CWC22: variants seen among roughly 807,000 people sequenced by gnomAD.
CWC22 encodes pre-mRNA-splicing factor CWC22 homolog.
CWC22 carries 53 observed loss-of-function variants against 117.2 expected under a neutral mutation model. That is an observed-to-expected ratio of 0.45 (90% CI 0.36 to 0.57). The LOEUF (loss-of-function observed/expected upper bound fraction) is 0.57. Ranked by LOEUF, CWC22 falls within the 20% of genes least tolerant of loss-of-function variation. CWC22 has a pLI of 0.00. For missense variants in CWC22, 980 were observed against 1,068.8 expected, an observed-to-expected ratio of 0.92 and a Z score of 1.16; for synonymous variants, 360 against 355.6, an observed-to-expected ratio of 1.01 and a Z score of -0.14.
chr2:179,950,413 C>G (rs1686413837), intron 19 of CWC22, 99 bp downstream of exon 19: 1 of 763,542 alleles, frequency 1.3e-6, no homozygotes, highest in African/African-American at 1.8e-5. Context: ...CAACTGATCT[C>G]TAAGACAAAT....
At position 179,964,628 on chromosome 2, in the gene CWC22, C is replaced by T. The variant is rs1476995651; in HGVS notation, c.1316G>A (p.Gly439Glu). ...EEEEGEEDEEGQKVTIHDKTE... is the reference protein window; with the variant it reads ...EEEEGEEDEEEQKVTIHDKTE... ...TTTGTCATGAATAGTTACTTTTTGT[C>T]CTGAAAGAAACATAACAAAATTACA... is the stretch of plus-strand genomic sequence containing the variant. The change falls in exon 13 of 20, where the codon GGA becomes GAA. Residue 439 changes from glycine to glutamate, a missense_variant and splice_region_variant. Transcript: ENST00000410053. 5.3e-6 allele frequency: 8 copies of T among 1,514,336 alleles called. No individual in the cohort carries two copies. In the African/African-American group the frequency reaches 1.1e-4, roughly 21 times the overall value. 93.8% of individuals were successfully genotyped at this position (1,514,336 alleles called of 1,614,324 possible).
chr2:179,989,041 C>T (rs2105550152), intron 2 of CWC22, among the ~76,000 whole-genome samples: 1 of 151,536 alleles, frequency 6.6e-6, no homozygotes, highest in South Asian at 2.1e-4. Flanking sequence ...AACACTGTAC[C>T]CCAATGTGTA....
Position 179,993,389 on chromosome 2 carries a change from C to G in CWC22, c.-48G>C. The G allele has an allele frequency of 7.1e-7, 1 of 1,408,472 alleles. No homozygotes were observed. Among genetic ancestry groups the G allele is most frequent in the Non-Finnish European group, 9.9e-7 (1 of 1,014,986 alleles). The allele number at this position is 1,408,472 out of a possible 1,614,324, so 87.2% of individuals were successfully genotyped here. On this transcript the variant is annotated 5_prime_UTR_variant, in exon 2 of 20. Coordinates refer to ENST00000410053, the MANE Select transcript of CWC22 (RefSeq NM_020943.3). ...TAAATCAAAGATGCTTCAAACTGGT[C>G]CAAATAACAAGTACCCAATGCTCTG... is the stretch of plus-strand genomic sequence containing the variant.
chr2:180,006,290 G>T (rs772774807), intron 1 of CWC22, among the ~76,000 whole-genome samples: 9 of 152,160 alleles, frequency 5.9e-5, no homozygotes, highest in Non-Finnish European at 1.3e-4. Context: ...AATGGAAATA[G>T]GTACCGTGGT....
rs1169899310 is a variant in CWC22 at position 179,952,521 on chromosome 2, T to C, written c.1767A>G (p.Glu589=). The part of the protein sequence containing the change: ...SRIFVKIFFQ[E]LCEYMGLPKL... ...TAGGAAGACCCATGTATTCACACAG[T>C]TCCTGGAAAAATATTTTGACAAAAA... Residue 589 remains glutamate (E), a synonymous_variant, in exon 17 of 20, where the codon GAA becomes GAG. Coordinates refer to ENST00000410053, the MANE Select transcript of CWC22 (RefSeq NM_020943.3). The C allele has an allele frequency of 1.9e-5, 29 of 1,565,436 alleles. No individual in the cohort carries two copies. The highest frequency in any genetic ancestry group is 2.5e-5 in the Non-Finnish European group (29 of 1,153,166).
chr2:179,955,321 G>A (rs1419086693), intron 14 of CWC22, among the ~76,000 whole-genome samples: 2 of 151,834 alleles, frequency 1.3e-5, no homozygotes, highest in African/African-American at 4.8e-5. Context: ...ATAGGAAACA[G>A]ACATATGAGG....
At chr2:179,953,473 T>C (rs771923921) in intron 16 of CWC22, among the ~76,000 whole-genome samples, 7 of 152,072 alleles carry the variant, frequency 4.6e-5, no homozygotes, top group Non-Finnish European at 5.9e-5. Context: ...TTTTGTATCA[T>C]TGCTATGGGC....
At chr2:179,995,588 T>C (rs559483478) in intron 1 of CWC22, among the ~76,000 whole-genome samples, 1 of 152,336 alleles carries the variant, frequency 6.6e-6, no homozygotes, top group East Asian at 1.9e-4. Flanking sequence ...AAACGGTAAC[T>C]GAACTTCCAC....
Position 179,965,956 on chromosome 2 carries a change from A to G in CWC22, c.1237T>C (p.Ser413Pro). The G allele has an allele frequency of 6.2e-7, 1 of 1,612,138 alleles. No individual in the cohort carries two copies. The highest frequency in any genetic ancestry group is 2.2e-5 in the East Asian group (1 of 44,836). ...KEILDEGDTD[S>P]NTDQDAGSSE... ...CTCCCAGCATCCTGGTCTGTGTTCG[A>G]GTCAGTATCTCCCTCATCAAGAATT... is the stretch of plus-strand genomic sequence containing the variant. Residue 413 changes from serine (S) to proline (P), a missense_variant, in exon 12 of 20, where the codon TCG (serine) becomes CCG (proline). By Grantham distance (74) the Ser-to-Pro change is moderately conservative (BLOSUM62 -1). Transcript: ENST00000410053.
chr2:179,959,333 C>T (rs1686686912), intron 13 of CWC22, among the ~76,000 whole-genome samples: 2 of 152,002 alleles, frequency 1.3e-5, no homozygotes, highest in South Asian at 4.1e-4. Flanking sequence ...AGTATGATTC[C>T]ATTTATACAA....
At chr2:179,946,295 C>A (rs1270518004) in intron 19 of CWC22, among the ~76,000 whole-genome samples, 2 of 151,238 alleles carry the variant, frequency 1.3e-5, no homozygotes, top group Non-Finnish European at 1.5e-5. Context: ...ACAAAAAATT[C>A]AAAAAATTAG....
rs551713548 is a variant in CWC22, at chr2:179,968,453, A to G, written c.1210+2048T>C. Among the ~76,000 whole-genome samples the G allele has an allele frequency of 1.8e-3, 273 of 152,252 alleles. 4 individuals are homozygous for G. In the South Asian group the frequency reaches 0.055, roughly 31 times the overall value. ...AATGTAGAAACAGATATGAGAGTCC[A>G]GCTGCTTCCCATTAGGCCAGACAGT... On this transcript the variant is annotated intron_variant, in intron 11 of 19. Coordinates refer to ENST00000410053, the MANE Select transcript of CWC22 (RefSeq NM_020943.3).
intron 14 of CWC22, among the ~76,000 whole-genome samples, chr2:179,955,560 C>T (rs1486489791): frequency 6.6e-6 from 1 of 151,858 alleles, no homozygotes; most frequent in East Asian, 1.9e-4. Context: ...AAAGAAACAT[C>T]AAAAAACACC....
chr2:179,986,643 G>T, intron 4 of CWC22, 52 bp downstream of exon 4: 1 of 1,025,104 alleles, frequency 9.8e-7, no homozygotes, highest in Non-Finnish European at 1.5e-6. Flanking sequence ...GTAGCATAAA[G>T]AGAGTTTAAA....
intron 5 of CWC22, among the ~76,000 whole-genome samples, chr2:179,979,771 C>T (rs1239727311): frequency 6.6e-6 from 1 of 152,188 alleles, no homozygotes; most frequent in Non-Finnish European, 1.5e-5. Context: ...TCCACTATCT[C>T]TAGACACAAG....
intron 4 of CWC22, among the ~76,000 whole-genome samples, chr2:179,982,427 T>C (rs1469987029): frequency 3.3e-5 from 5 of 152,184 alleles, no homozygotes; most frequent in Non-Finnish European, 5.9e-5. Flanking sequence ...GGGGAATCAT[T>C]AAAAGTTTCT....
At chr2:179,950,003 G>T (rs1440532014) in intron 19 of CWC22, among the ~76,000 whole-genome samples, 5 of 152,080 alleles carry the variant, frequency 3.3e-5, no homozygotes, top group Admixed American at 6.6e-5. Context: ...AGGATGGAAG[G>T]AGTAGTAACT....
intron 14 of CWC22, 107 bp downstream of exon 14, chr2:179,958,915 A>G: frequency 1.7e-6 from 1 of 599,072 alleles, no homozygotes; most frequent in Non-Finnish European, 3.0e-6. Flanking sequence ...AAAAATAAAT[A>G]TTTAGTACTG....
chr2:179,954,997 TG>T lies in CWC22; in HGVS notation c.1495del (p.Gln499AsnfsTer12). ...AAAAAATTTTTCGTATGTCCTCTGT[TG>T]GGCACAGCAATCAAGTATCATGTTG... ...LCNMILDCCA[Q>X]QRTYEKFFGL... On this transcript the variant is annotated frameshift_variant, in exon 15 of 20. Coordinates refer to ENST00000410053, the MANE Select transcript of CWC22 (RefSeq NM_020943.3). LOFTEE classifies it high-confidence loss of function. 6.2e-7 allele frequency: 1 copy of T among 1,602,622 alleles called. No homozygotes were observed. The highest frequency in any genetic ancestry group is 8.5e-7 in the Non-Finnish European group (1 of 1,173,982).
Sources: gnomAD v4.1 joint callset for allele counts (sites outside exome capture counted in the v4.1 genomes callset) on GRCh38, gnomAD v4.1.1 for gene constraint, MANE v1.5 for transcripts, NCBI Gene and HGNC (gene_info 2026-07-23, HGNC 2026-07-21) for gene names.